Variants in IGFL2 observed in about 807,000 individuals in gnomAD.
IGFL2 encodes IGF like family member 2, also known as insulin growth factor-like family member 2.
In IGFL2, 7 loss-of-function variants were observed where a neutral mutation model predicts 13.9. The observed-to-expected ratio is 0.51, with a 90% CI of 0.29 to 0.95. The LOEUF (loss-of-function observed/expected upper bound fraction) is 0.95, where lower values mean the gene tolerates loss of function less well. Among genes scored for constraint, IGFL2 ranks in the 40% least tolerant of loss-of-function variants. IGFL2 has a pLI of 0.08. For synonymous variants in IGFL2, 55 were observed against 55.8 expected (o/e 0.99, Z 0.07); for missense variants, 138 against 147.8 (o/e 0.93, Z 0.34).
At chr19:46,096,084 T>C in the IGFL2 span, among the ~76,000 whole-genome samples, 2,018 of 152,238 alleles carry the variant, frequency 0.013, 31 homozygotes, top group Middle Eastern at 0.027. Flanking sequence ...GATGGGAATA[T>C]CATTGAATCT....
intron 1 of IGFL2, among the ~76,000 whole-genome samples, chr19:46,151,062 T>C (rs1043765903): frequency 6.6e-6 from 1 of 152,196 alleles, no homozygotes; most frequent in African/African-American, 2.4e-5. Flanking sequence ...CATTTGCTTA[T>C]CTCCCTGTTG....
chr19:46,179,527 T>G, the IGFL2 span: 1 of 152,436 alleles, frequency 6.6e-6, no homozygotes, highest in South Asian at 2.1e-4. Flanking sequence ...CAGTCAGGCT[T>G]CACATCGGGT....
At chr19:46,163,128 G>C (rs902545080), downstream of IGFL2, among the ~76,000 whole-genome samples, 1 of 152,128 alleles carries the variant, frequency 6.6e-6, no homozygotes, top group Non-Finnish European at 1.5e-5. Flanking sequence ...TAGGCTTATT[G>C]GTCAGTTGTA....
chr19:46,182,365 T>TAA, the IGFL2 span, among the ~76,000 whole-genome samples: 2,007 of 78,592 alleles, frequency 0.026, 65 homozygotes, highest in African/African-American at 0.083. Flanking sequence ...AGACTTTGCC[T>TAA]AAAAAAAAAA....
chr19:46,209,461 G>A, the IGFL2 span: 2 of 152,232 alleles, frequency 1.3e-5, no homozygotes, highest in African/African-American at 4.8e-5. Context: ...CAGGGCTGCA[G>A]GAGCCCAGGC....
chr19:46,127,804 G>T, the IGFL2 span, among the ~76,000 whole-genome samples: 6 of 151,710 alleles, frequency 4.0e-5, no homozygotes, highest in Non-Finnish European at 7.4e-5. Flanking sequence ...TAATTTTTTC[G>T]TAAGTTATTG....
At chr19:46,134,107 C>G in the IGFL2 span, among the ~76,000 whole-genome samples, 1 of 152,066 alleles carries the variant, frequency 6.6e-6, no homozygotes, top group Non-Finnish European at 1.5e-5. Context: ...GGATGGTTTT[C>G]TTGAGGAAGA....
chr19:46,182,616 G>A, the IGFL2 span, among the ~76,000 whole-genome samples: 2 of 152,106 alleles, frequency 1.3e-5, no homozygotes, highest in African/African-American at 2.4e-5. Flanking sequence ...CATCCGTTCC[G>A]TGCACTGAAC....
At chr19:46,117,583 A>G in the IGFL2 span, among the ~76,000 whole-genome samples, 14 of 151,992 alleles carry the variant, frequency 9.2e-5, 1 homozygote, top group Admixed American at 7.9e-4. Flanking sequence ...GGCCCAAGGG[A>G]TCCTCCCACG....
the IGFL2 span, chr19:46,213,860 T>C: frequency 6.5e-6 from 1 of 153,340 alleles, no homozygotes; most frequent in African/African-American, 2.4e-5. Context: ...CCCCATGAAA[T>C]GATCTCATTT....
the IGFL2 span, among the ~76,000 whole-genome samples, chr19:46,132,959 C>T: frequency 0.011 from 1,617 of 151,962 alleles, 19 homozygotes; most frequent in South Asian, 0.032. Context: ...AGACAAGGCA[C>T]CCTAAGTGAC....
At chr19:46,197,549 A>G in the IGFL2 span, among the ~76,000 whole-genome samples, 45 of 151,948 alleles carry the variant, frequency 3.0e-4, no homozygotes, top group Non-Finnish European at 5.3e-4. Flanking sequence ...TGGCCTGCTC[A>G]GTGTCTCTGT....
chr19:46,099,378 G>A, the IGFL2 span, among the ~76,000 whole-genome samples: 1 of 152,082 alleles, frequency 6.6e-6, no homozygotes, highest in African/African-American at 2.4e-5. Flanking sequence ...CTCTTGCTGG[G>A]TTGGGGAAGT....
chr19:46,149,042 G>C, intron 1 of IGFL2: 1 of 1,603,680 alleles, frequency 6.2e-7, no homozygotes, highest in African/African-American at 1.3e-5. Flanking sequence ...TGCTGGGTAA[G>C]TAAGGGCAGC....
upstream of IGFL2, among the ~76,000 whole-genome samples, chr19:46,146,064 C>T (rs778991024): frequency 2.0e-5 from 3 of 152,020 alleles, no homozygotes; most frequent in Non-Finnish European, 4.4e-5. Flanking sequence ...TTCTCTGATG[C>T]CTTCTCCTTG....
chr19:46,180,325 C>T, the IGFL2 span, among the ~76,000 whole-genome samples: 1 of 151,842 alleles, frequency 6.6e-6, no homozygotes, highest in African/African-American at 2.4e-5. Context: ...ACTACAGGCA[C>T]CTGCCACTAT....
At chr19:46,151,723 C>T (rs375166799) in intron 1 of IGFL2, among the ~76,000 whole-genome samples, 183 of 152,174 alleles carry the variant, frequency 1.2e-3, no homozygotes, top group African/African-American at 4.1e-3. Flanking sequence ...CCAGCCTGGG[C>T]CATATGGTGA....
chr19:46,085,233 A>G, the IGFL2 span, among the ~76,000 whole-genome samples: 1 of 152,200 alleles, frequency 6.6e-6, no homozygotes, highest in African/African-American at 2.4e-5. Flanking sequence ...CTCAAAAAAA[A>G]AGGAAAACAA....
chr19:46,173,208 C>T, the IGFL2 span, among the ~76,000 whole-genome samples: 48 of 152,172 alleles, frequency 3.2e-4, no homozygotes, highest in African/African-American at 5.6e-4. Context: ...CTGTTGTCAA[C>T]GTGTCCCCAA....
Sources: allele counts gnomAD v4.1 joint callset (sites outside exome capture counted in the v4.1 genomes callset), GRCh38; gene constraint gnomAD v4.1.1; transcripts MANE v1.5; gene names NCBI Gene and HGNC (gene_info 2026-07-23, HGNC 2026-07-21).